Variants in PARD3B observed in about 807,000 individuals in gnomAD.
PARD3B encodes the protein par-3 family cell polarity regulator beta, also known as partitioning defective 3 homolog B.
Under a neutral mutation model 130.2 loss-of-function variants are expected in PARD3B, and 103 were observed. That is an observed-to-expected ratio of 0.79 (90% CI 0.67 to 0.93). The LOEUF (loss-of-function observed/expected upper bound fraction) is 0.93. Ranked by LOEUF, PARD3B falls within the 40% of genes least tolerant of loss-of-function variation. The pLI, the probability that PARD3B is intolerant of heterozygous loss-of-function variation, is 0.00. For missense variants in PARD3B, 1,609 were observed against 1,499.2 expected (o/e 1.07, Z -1.21); for synonymous variants, 583 against 553.2 (o/e 1.05, Z -0.76).
chr2:205,104,611 A>T, intron 5 of PARD3B, 97 bp downstream of exon 5: 1 of 849,300 alleles, frequency 1.2e-6, no homozygotes, highest in East Asian at 2.7e-5. Context: ...AAAGATCAGG[A>T]TAAGTAGAAT....
At chr2:205,114,949 C>T (rs1372207193) in intron 6 of PARD3B, among the ~76,000 whole-genome samples, 1 of 152,068 alleles carries the variant, frequency 6.6e-6, no homozygotes, top group African/African-American at 2.4e-5. Context: ...TGAATATTTA[C>T]TCAGTTGTCA....
rs531901472 is a variant in PARD3B, at chr2:204,756,053, T to A, written c.222+69771T>A. The stretch of plus-strand genomic sequence containing the variant: ...TCCTAATCAATAGTATACGTCCTGG[T>A]GGTGATTAAGAGATGAAGGAAGTAG... On this transcript the variant is annotated intron_variant, in intron 2 of 22. Coordinates refer to ENST00000406610, the MANE Select transcript of PARD3B (RefSeq NM_001302769.2). 9.9e-5 allele frequency among the ~76,000 whole-genome samples: 15 copies of A among 152,124 alleles called. No individual in the cohort carries two copies. In the East Asian group the frequency reaches 2.9e-3, roughly 29 times the overall value.
At chr2:205,515,569 GT>G (rs1267257197) in intron 21 of PARD3B, among the ~76,000 whole-genome samples, 3 of 135,866 alleles carry the variant, frequency 2.2e-5, no homozygotes, top group Non-Finnish European at 4.7e-5. Context: ...GCGATATTGA[GT>G]TTTTTTTAAT....
chr2:205,575,295 C>A lies in PARD3B; in HGVS notation c.3260+21892C>A, dbSNP rs756303881. The stretch of plus-strand genomic sequence containing the variant: ...ATTTCTCATAAACCTGCCACCTCAA[C>A]ACATGCGTAACTTCCCTCATTACCA... On this transcript the variant is annotated intron_variant, in intron 22 of 22. Transcript: ENST00000406610. This position sits in a 1 kb window ranked among gnomAD's most constrained non-coding sequence, Gnocchi z 4.6. Among the ~76,000 whole-genome samples the A allele has an allele frequency of 2.6e-5, 4 of 152,038 alleles. No individual in the cohort carries two copies. The highest frequency in any genetic ancestry group is 5.9e-5 in the Non-Finnish European group (4 of 68,002).
At chr2:205,546,529 C>T (rs2052387939) in intron 21 of PARD3B, among the ~76,000 whole-genome samples, 1 of 152,106 alleles carries the variant, frequency 6.6e-6, no homozygotes, top group African/African-American at 2.4e-5. Flanking sequence ...AGGAGTTCTT[C>T]AAGCAGGAAT....
chr2:205,069,864 A>G (rs1700616459), intron 4 of PARD3B, among the ~76,000 whole-genome samples: 1 of 152,112 alleles, frequency 6.6e-6, no homozygotes, highest in East Asian at 1.9e-4. Flanking sequence ...AAGAGCTAGT[A>G]TCTACACTCT....
intron 3 of PARD3B, among the ~76,000 whole-genome samples, chr2:204,986,126 AG>A (rs1415801735): frequency 1.3e-5 from 2 of 149,466 alleles, no homozygotes; most frequent in Non-Finnish European, 3.0e-5. Flanking sequence ...AAAAAAAAAA[AG>A]AGCTTATCTG....
chr2:205,060,206 AG>A (rs1699984644), intron 4 of PARD3B, among the ~76,000 whole-genome samples: 1 of 152,078 alleles, frequency 6.6e-6, no homozygotes, highest in African/African-American at 2.4e-5. Flanking sequence ...CCAGTTTATC[AG>A]CCCCTCCTCC....
intron 10 of PARD3B, among the ~76,000 whole-genome samples, chr2:205,150,763 T>C (rs895227757): frequency 6.6e-6 from 1 of 152,132 alleles, no homozygotes; most frequent in Non-Finnish European, 1.5e-5. Context: ...TGGACAAAAG[T>C]TGAGACACAA....
At chr2:204,625,392 G>A (rs1043553664) in intron 1 of PARD3B, among the ~76,000 whole-genome samples, 15 of 152,112 alleles carry the variant, frequency 9.9e-5, no homozygotes, top group African/African-American at 3.6e-4. Context: ...TTTAAGATGC[G>A]GCTGAGAGGG....
chr2:205,609,109 C>T lies in PARD3B; in HGVS notation c.3261-6347C>T, dbSNP rs1319763422. Among the ~76,000 whole-genome samples the T allele has an allele frequency of 4.6e-5, 7 of 152,142 alleles. No individual in the cohort carries two copies. The East Asian group carries it at 5.8e-4, about 13-fold the overall frequency. On this transcript the variant is annotated intron_variant, in intron 22 of 22. Transcript: ENST00000406610. ...TATTTTATGATTCCGTAAAATCTGC[C>T]GAAATCAAAGCTATGTAATATACGT...
At chr2:205,177,632 T>C (rs1188406053) in intron 13 of PARD3B, among the ~76,000 whole-genome samples, 1 of 152,222 alleles carries the variant, frequency 6.6e-6, no homozygotes, top group Non-Finnish European at 1.5e-5. Context: ...CATCATAACA[T>C]ACTTGTAAAT....
At chr2:205,098,203 C>G (rs1411903610) in intron 4 of PARD3B, among the ~76,000 whole-genome samples, 1 of 152,158 alleles carries the variant, frequency 6.6e-6, no homozygotes. Context: ...GTTTCTATTA[C>G]TCTCATTCTA....
In PARD3B at chr2:205,619,065, G is replaced by A. The variant is rs1027025757; in HGVS notation, c.*3252G>A. The A allele has an allele frequency of 3.3e-5, 5 of 152,126 alleles. No individual in the cohort carries two copies. The highest frequency in any genetic ancestry group is 1.2e-4 in the African/African-American group (5 of 41,422). The allele number at this position is 152,126 out of a possible 1,614,324, so 9.4% of individuals were successfully genotyped here. A position where few individuals can be genotyped will look rare whatever the true frequency, so the allele number is the denominator to read the frequency against. ...CCGACTGTCACCCGTGGATCCTGAT[G>A]GGGAAGAACAGAGGCTTCACTGTAG... On this transcript the variant is annotated 3_prime_UTR_variant, in exon 23 of 23. Transcript: ENST00000406610.
intron 22 of PARD3B, among the ~76,000 whole-genome samples, chr2:205,599,062 A>T (rs948696881): frequency 6.6e-6 from 1 of 152,176 alleles, no homozygotes; most frequent in Non-Finnish European, 1.5e-5. Context: ...AGGAATTAGA[A>T]AAACAAGAAC....
chr2:204,631,720 T>A (rs1172117455), intron 1 of PARD3B, among the ~76,000 whole-genome samples: 2 of 152,186 alleles, frequency 1.3e-5, no homozygotes, highest in African/African-American at 4.8e-5. Context: ...TACTTCAGTG[T>A]TTTTTTGTAG....
chr2:204,782,952 A>G (rs540971175), intron 2 of PARD3B, among the ~76,000 whole-genome samples: 3 of 152,168 alleles, frequency 2.0e-5, no homozygotes, highest in Admixed American at 6.5e-5. Context: ...TTCCAGATCT[A>G]TTATTCTTTA....
chr2:205,141,664 G>A (rs1257867876), intron 10 of PARD3B, among the ~76,000 whole-genome samples: 2 of 152,158 alleles, frequency 1.3e-5, no homozygotes, highest in Non-Finnish European at 2.9e-5. Flanking sequence ...AACAGGTTAC[G>A]GTTATGCTTA....
rs550656895 is a variant in PARD3B at position 205,203,194 on chromosome 2, A to G, written c.2140+9874A>G. On this transcript the variant is annotated intron_variant, in intron 15 of 22. Transcript: ENST00000406610. ...CAGTAACAAACCCACGCAGATTTTT[A>G]CTAAATTGACCTCTGTGTACTTAGA... is the stretch of plus-strand genomic sequence containing the variant. 3.2e-4 allele frequency among the ~76,000 whole-genome samples: 49 copies of G among 152,300 alleles called. 1 individual carries two copies. In the South Asian group the frequency reaches 9.1e-3, roughly 28 times the overall value.
Sources: gnomAD v4.1 joint callset for allele counts (sites outside exome capture counted in the v4.1 genomes callset) on GRCh38, gnomAD v4.1.1 for gene constraint, Gnocchi (gnomAD v3.1) non-coding constraint, MANE v1.5 for transcripts, NCBI Gene and HGNC (gene_info 2026-07-23, HGNC 2026-07-21) for gene names.